KLHL29: variants seen among roughly 807,000 people sequenced by gnomAD.
KLHL29 encodes the protein kelch-like protein 29.
Under a neutral mutation model 80.4 loss-of-function variants are expected in KLHL29, and 21 were observed. That is an observed-to-expected ratio of 0.26 (90% confidence interval 0.19 to 0.38). KLHL29 has a LOEUF of 0.38. Among genes scored for constraint, KLHL29 ranks in the 10% least tolerant of loss-of-function variants. The pLI is 1.00. For missense variants in KLHL29, 867 were observed against 1,223.9 expected, an observed-to-expected ratio of 0.71 and a Z score of 4.35; for synonymous variants, 511 against 526.8, an observed-to-expected ratio of 0.97 and a Z score of 0.41.
intron 3 of KLHL29, among the ~76,000 whole-genome samples, chr2:23,618,785 G>A (rs187375108): frequency 8.9e-4 from 135 of 152,264 alleles, no homozygotes; most frequent in African/African-American, 3.0e-3. Context: ...TTAAGGCAGG[G>A]GTTGAAATCT....
At chr2:23,659,657 C>T (rs1362648925) in intron 5 of KLHL29, among the ~76,000 whole-genome samples, 1 of 152,132 alleles carries the variant, frequency 6.6e-6, no homozygotes, top group East Asian at 1.9e-4. Context: ...CAGCTGGTCC[C>T]AGATCAGAGG....
chr2:23,406,281 TCACA>T, intron 1 of KLHL29, among the ~76,000 whole-genome samples: 1 of 127,026 alleles, frequency 7.9e-6, no homozygotes, highest in Non-Finnish European at 1.5e-5. Flanking sequence ...TGAGCCAAGA[TCACA>T]CCACTGCACT....
At chr2:23,670,670 G>T (rs1460312437) in intron 5 of KLHL29, among the ~76,000 whole-genome samples, 1 of 152,150 alleles carries the variant, frequency 6.6e-6, no homozygotes, top group Non-Finnish European at 1.5e-5. Context: ...ATGATGTGGA[G>T]ATTAATTGTA....
intron 2 of KLHL29, among the ~76,000 whole-genome samples, chr2:23,535,535 T>C (rs2103480439): frequency 6.6e-6 from 1 of 152,386 alleles, no homozygotes; most frequent in East Asian, 1.9e-4. Flanking sequence ...CAAAATGTGT[T>C]GTATACATAC....
chr2:23,699,982 T>A (rs1672265043), intron 11 of KLHL29, among the ~76,000 whole-genome samples: 1 of 152,224 alleles, frequency 6.6e-6, no homozygotes, highest in African/African-American at 2.4e-5. Context: ...CTTGCTCACC[T>A]TCCTGCAGTC....
rs148704426 is a variant in KLHL29 at position 23,490,991 on chromosome 2, T to C, written c.-46+15324T>C. ...ATTTTACTTTAAGTTCTGGGATGCA[T>C]GTGCAGAACATGCAGGTTTGTTACA... On this transcript the variant is annotated intron_variant, in intron 2 of 13. Coordinates refer to ENST00000486442, the MANE Select transcript of KLHL29 (RefSeq NM_052920.2). Among the ~76,000 whole-genome samples, 24 of 152,236 alleles carry C rather than the reference T, an allele frequency of 1.6e-4. No homozygotes were observed. In the East Asian group the frequency reaches 4.1e-3, roughly 26 times the overall value.
At chr2:23,469,452 C>T (rs1453231824) in intron 1 of KLHL29, among the ~76,000 whole-genome samples, 3 of 152,160 alleles carry the variant, frequency 2.0e-5, no homozygotes, top group Non-Finnish European at 4.4e-5. Context: ...GAGCACGCCA[C>T]GCAGCCCGCA....
At chr2:23,679,868 G>A (rs1671026358) in intron 5 of KLHL29, among the ~76,000 whole-genome samples, 1 of 152,122 alleles carries the variant, frequency 6.6e-6, no homozygotes, top group Non-Finnish European at 1.5e-5. Flanking sequence ...AATACTGCTT[G>A]GCCAGATGGA....
intron 2 of KLHL29, among the ~76,000 whole-genome samples, chr2:23,524,929 T>G (rs1342541114): frequency 6.6e-6 from 1 of 152,260 alleles, no homozygotes; most frequent in Non-Finnish European, 1.5e-5. Context: ...GCCTGTAATT[T>G]TTTTTATCCA....
intron 1 of KLHL29, among the ~76,000 whole-genome samples, chr2:23,421,450 G>A (rs1445583759): frequency 6.6e-6 from 1 of 152,094 alleles, no homozygotes; most frequent in East Asian, 1.9e-4. Flanking sequence ...GCTCCTGGAG[G>A]GGAGAAGTGA....
intron 1 of KLHL29, among the ~76,000 whole-genome samples, chr2:23,464,483 C>T (rs1435423606): frequency 6.6e-6 from 1 of 152,242 alleles, no homozygotes; most frequent in East Asian, 1.9e-4. Context: ...ATTGGCCCCA[C>T]TTGCCTGCTC....
chr2:23,655,291 A>T (rs1310691984), intron 5 of KLHL29, among the ~76,000 whole-genome samples: 2 of 152,214 alleles, frequency 1.3e-5, no homozygotes, highest in African/African-American at 4.8e-5. Context: ...AAGTTAATGG[A>T]GCCAGTCATC....
intron 1 of KLHL29, among the ~76,000 whole-genome samples, chr2:23,456,815 C>T (rs1036702253): frequency 2.0e-5 from 3 of 152,212 alleles, no homozygotes; most frequent in Non-Finnish European, 2.9e-5. Flanking sequence ...GGATGGCAGC[C>T]CTTGTGGGGT....
rs530125975 is a variant in KLHL29 at position 23,397,214 on chromosome 2, C to T, written c.-154+11434C>T. On this transcript the variant is annotated intron_variant, in intron 1 of 13. Coordinates refer to ENST00000486442, the MANE Select transcript of KLHL29 (RefSeq NM_052920.2). ...GGATAAAGGCACACAAACGGCCCTC[C>T]TGTGGCAGGGGCTCCAGCCCCAGTT... is the stretch of plus-strand genomic sequence containing the variant. 2.0e-5 allele frequency among the ~76,000 whole-genome samples: 3 copies of T among 152,352 alleles called. 1 individual carries two copies. In the South Asian group the frequency reaches 6.2e-4, roughly 32 times the overall value.
At chr2:23,527,752 G>A (rs1388980719) in intron 2 of KLHL29, among the ~76,000 whole-genome samples, 1 of 152,234 alleles carries the variant, frequency 6.6e-6, no homozygotes, top group East Asian at 1.9e-4. Context: ...AGGGCCAGGT[G>A]GTTAGCTTAC....
chr2:23,688,720 T>G (rs1671395134), intron 6 of KLHL29: 3 of 151,866 alleles, frequency 2.0e-5, no homozygotes, highest in African/African-American at 7.3e-5. Flanking sequence ...TGCGTCAGCT[T>G]CATAGAGAGG....
In KLHL29 at chr2:23,693,546, C is replaced by T. The variant is rs1314563378; in HGVS notation, c.1542+18C>T. On this transcript the variant is annotated intron_variant, in intron 8 of 13. Transcript: ENST00000486442. Reference sequence around the variant, plus strand: ...GCACACAGGTGGGGCCTGCCCTGTCCCCCGCCCCTTCTCTCTGGGTTTGGG... The same window carrying T: ...GCACACAGGTGGGGCCTGCCCTGTCTCCCGCCCCTTCTCTCTGGGTTTGGG... The T allele has an allele frequency of 2.6e-6, 4 of 1,538,540 alleles. No homozygotes were observed. The African/African-American group carries it at 5.5e-5, about 21-fold the overall frequency.
chr2:23,469,123 G>C (rs201925066), intron 1 of KLHL29, among the ~76,000 whole-genome samples: 1 of 152,236 alleles, frequency 6.6e-6, no homozygotes, highest in East Asian at 1.9e-4. Flanking sequence ...GGTCCCAGGA[G>C]TGTCAGGGAG....
intron 2 of KLHL29, among the ~76,000 whole-genome samples, chr2:23,485,956 T>G (rs1031447939): frequency 6.6e-6 from 1 of 152,248 alleles, no homozygotes; most frequent in Admixed American, 6.5e-5. Flanking sequence ...GGCTGAGTCA[T>G]GGACTTAATT....
Sources: gnomAD v4.1 joint callset for allele counts (sites outside exome capture counted in the v4.1 genomes callset) on GRCh38, gnomAD v4.1.1 for gene constraint, MANE v1.5 for transcripts, NCBI Gene and HGNC (gene_info 2026-07-23, HGNC 2026-07-21) for gene names.